GRM7: variants seen among roughly 807,000 people sequenced by gnomAD.
GRM7 encodes glutamate metabotropic receptor 7.
A neutral mutation model predicts 84.5 loss-of-function variants in GRM7; 35 were observed. The ratio of observed to expected loss-of-function variants is 0.41; its 90% CI spans 0.32 to 0.55. The LOEUF (loss-of-function observed/expected upper bound fraction) is 0.55, where lower values mean the gene tolerates loss of function less well. Ranked by LOEUF, GRM7 falls within the 20% of genes least tolerant of loss-of-function variation. GRM7 has a pLI of 0.19. For missense variants in GRM7, 1,003 were observed against 1,194.6 expected (o/e 0.84, Z 2.36); for synonymous variants, 487 against 455.1 (o/e 1.07, Z -0.89).
chr3:7,068,966 T>C (rs1281009302), intron 1 of GRM7, among the ~76,000 whole-genome samples: 4 of 151,754 alleles, frequency 2.6e-5, no homozygotes, highest in African/African-American at 9.7e-5. Context: ...GGACTTCAGT[T>C]TGAATTGCAG....
At chr3:7,001,048 C>T (rs1694995821) in intron 1 of GRM7, among the ~76,000 whole-genome samples, 1 of 152,212 alleles carries the variant, frequency 6.6e-6, no homozygotes. Flanking sequence ...AAATCATAGT[C>T]AGGGAATGGT....
rs112038334 is a variant in GRM7, at chr3:7,131,935, C to G, written c.520-14517C>G. 1.9e-3 allele frequency among the ~76,000 whole-genome samples: 288 copies of G among 152,308 alleles called. 2 individuals carry two copies. The highest frequency in any genetic ancestry group is 6.1e-3 in the African/African-American group (253 of 41,564). On this transcript the variant is annotated intron_variant, in intron 1 of 9. Transcript: ENST00000357716. ...ATCAGGTGGGACAATGGACTCTACC[C>G]TCAAGCTAGGAAAGTGTCTCTCATT...
chr3:7,389,982 T>C (rs1344439990), intron 4 of GRM7, among the ~76,000 whole-genome samples: 1 of 152,162 alleles, frequency 6.6e-6, no homozygotes, highest in Non-Finnish European at 1.5e-5. Context: ...TGCCTGCATG[T>C]AGCTAGTACT....
At chr3:7,006,966 T>A (rs376204127) in intron 1 of GRM7, among the ~76,000 whole-genome samples, 23 of 152,126 alleles carry the variant, frequency 1.5e-4, no homozygotes, top group African/African-American at 5.6e-4. Flanking sequence ...TCTCAATGAG[T>A]ATAAAAGGAT....
At chr3:7,662,844 G>T (rs1699527061) in intron 8 of GRM7, among the ~76,000 whole-genome samples, 1 of 152,110 alleles carries the variant, frequency 6.6e-6, no homozygotes, top group Non-Finnish European at 1.5e-5. Flanking sequence ...TATATGTATT[G>T]TATATGCTTA....
chr3:6,936,420 A>G (rs867928122), intron 1 of GRM7, among the ~76,000 whole-genome samples: 120 of 152,274 alleles, frequency 7.9e-4, no homozygotes, highest in African/African-American at 2.8e-3. Flanking sequence ...GTGTTATCCA[A>G]TGAGCCACAG....
At chr3:6,953,950 GTAATTATTAGT>G (rs1692906246) in intron 1 of GRM7, among the ~76,000 whole-genome samples, 1 of 152,110 alleles carries the variant, frequency 6.6e-6, no homozygotes. Flanking sequence ...CAAAGCTCTT[GTAATTATTAGT>G]TAATGGTAGG....
At chr3:7,541,196 G>T (rs1399745737) in intron 7 of GRM7, among the ~76,000 whole-genome samples, 1 of 152,026 alleles carries the variant, frequency 6.6e-6, no homozygotes, top group African/African-American at 2.4e-5. Flanking sequence ...GCATGCAGAT[G>T]TAATATGGCA....
At chr3:7,511,748 T>C (rs1575434302) in intron 7 of GRM7, among the ~76,000 whole-genome samples, 1 of 152,284 alleles carries the variant, frequency 6.6e-6, no homozygotes, top group East Asian at 1.9e-4. Context: ...TTAGTGCTTG[T>C]CTAAATAGGT....
At chr3:7,214,188 C>T (rs571925416) in intron 2 of GRM7, among the ~76,000 whole-genome samples, 4 of 151,366 alleles carry the variant, frequency 2.6e-5, no homozygotes, top group East Asian at 1.9e-4. Context: ...CTTATATTGC[C>T]GTTTTGGAAG....
At chr3:7,263,105 T>C (rs988722911) in intron 2 of GRM7, among the ~76,000 whole-genome samples, 1 of 152,240 alleles carries the variant, frequency 6.6e-6, no homozygotes, top group Non-Finnish European at 1.5e-5. Flanking sequence ...TATTTTATTT[T>C]ATTCTATTTT....
intron 1 of GRM7, among the ~76,000 whole-genome samples, chr3:6,985,827 A>T (rs2124843065): frequency 6.6e-6 from 1 of 152,346 alleles, no homozygotes; most frequent in African/African-American, 2.4e-5. Context: ...CTATAGAGAC[A>T]AATATTAAGG....
intron 4 of GRM7, among the ~76,000 whole-genome samples, chr3:7,324,504 A>AT (rs1457719745): frequency 1.3e-5 from 2 of 152,130 alleles, no homozygotes; most frequent in African/African-American, 4.8e-5. Context: ...ACAGCCTCTT[A>AT]TGGCCTTTTC....
intron 8 of GRM7, among the ~76,000 whole-genome samples, chr3:7,588,418 G>C (rs760275769): frequency 6.6e-6 from 1 of 152,132 alleles, no homozygotes; most frequent in Non-Finnish European, 1.5e-5. Flanking sequence ...GGCTCTGTTC[G>C]CCTGGCTGGG....
chr3:7,731,392 A>G (rs1016509644), intron 9 of GRM7, among the ~76,000 whole-genome samples: 8 of 152,222 alleles, frequency 5.3e-5, no homozygotes, highest in Non-Finnish European at 5.9e-5. Context: ...AGAGCTGACA[A>G]TGACTTCAGA....
intron 8 of GRM7, among the ~76,000 whole-genome samples, chr3:7,615,469 C>T (rs900973328): frequency 3.3e-5 from 5 of 152,038 alleles, no homozygotes; most frequent in African/African-American, 4.8e-5. Flanking sequence ...AAATTTGTTG[C>T]CGTTTCTTTT....
chr3:7,237,073 G>T (rs73809024), intron 2 of GRM7, among the ~76,000 whole-genome samples: 4,116 of 152,232 alleles, frequency 0.027, 155 homozygotes, highest in African/African-American at 0.086. Flanking sequence ...TTTGTCCTCA[G>T]TGAATTTCAG....
intron 1 of GRM7, among the ~76,000 whole-genome samples, chr3:7,086,443 GT>G (rs1698461831): frequency 6.6e-6 from 1 of 152,130 alleles, no homozygotes; most frequent in Admixed American, 6.6e-5. Flanking sequence ...GTATTCAAGA[GT>G]TTTGTTATAT....
In GRM7 at chr3:7,578,491, C is replaced by T; in HGVS notation, c.1585C>T (p.Pro529Ser). 1.2e-6 allele frequency: 2 copies of T among 1,613,804 alleles called. No individual in the cohort carries two copies. Among genetic ancestry groups the T allele is most frequent in the Non-Finnish European group, 1.7e-6 (2 of 1,179,818 alleles). ...PASVCTLPCK[P>S]GQRKKTQKGT... ...CTCAGTGTGCACACTACCATGTAAG[C>T]CAGGACAGAGAAAGAAGACACAGAA... The change falls in exon 8 of 10, where the codon CCA (proline) becomes TCA (serine). Residue 529 changes from proline to serine, a missense_variant. Physicochemically the swap from Pro to Ser is moderately conservative, Grantham distance 74. This residue lies in a region of GRM7 where 910 missense variants were observed against 1,126.0 expected (regional missense o/e 0.81). Transcript: ENST00000357716.
Sources: allele counts gnomAD v4.1 joint callset (sites outside exome capture counted in the v4.1 genomes callset), GRCh38; gene constraint gnomAD v4.1.1; regional missense constraint gnomAD v4.1.1; transcripts MANE v1.5; gene names NCBI Gene and HGNC (gene_info 2026-07-23, HGNC 2026-07-21).